Variants in RNLS observed in about 807,000 individuals in gnomAD.
RNLS encodes renalase, FAD dependent amine oxidase, also known as renalase.
RNLS carries 39 observed loss-of-function variants against 39.8 expected under a neutral mutation model. That is an observed-to-expected ratio of 0.98 (90% CI 0.76 to 1.28). The LOEUF is 1.28. Ranked by LOEUF, RNLS falls within the 50% of genes most tolerant of loss-of-function variation. The pLI, the probability that RNLS is intolerant of heterozygous loss-of-function variation, is 0.00. For synonymous variants in RNLS, 147 were observed against 150.7 expected, an observed-to-expected ratio of 0.98 and a Z score of 0.18; for missense variants, 410 against 413.3, an observed-to-expected ratio of 0.99 and a Z score of 0.07.
At chr10:88,468,051 G>T (rs931006621) in intron 4 of RNLS, among the ~76,000 whole-genome samples, 1 of 152,144 alleles carries the variant, frequency 6.6e-6, no homozygotes, top group Non-Finnish European at 1.5e-5. Context: ...AATAAAAATA[G>T]ATAGGGAGTG....
At chr10:88,509,445 AGAG>A (rs1845974004) in intron 4 of RNLS, among the ~76,000 whole-genome samples, 1 of 101,798 alleles carries the variant, frequency 9.8e-6, no homozygotes, top group African/African-American at 3.2e-5. Flanking sequence ...AATAAGAGAG[AGAG>A]AGAAAAAAAA....
At chr10:88,524,185 C>T (rs1204904469) in intron 4 of RNLS, among the ~76,000 whole-genome samples, 1 of 152,064 alleles carries the variant, frequency 6.6e-6, no homozygotes, top group Non-Finnish European at 1.5e-5. Flanking sequence ...AGGCAGTGCC[C>T]CCTGATGGCT....
chr10:88,246,687 A>G, the RNLS span, among the ~76,000 whole-genome samples: 20 of 152,264 alleles, frequency 1.3e-4, no homozygotes, highest in South Asian at 1.5e-3. Context: ...TTTTGGAAGC[A>G]AAGAAAGTAG....
intron 4 of RNLS, among the ~76,000 whole-genome samples, chr10:88,378,263 A>G (rs1281028256): frequency 1.3e-5 from 2 of 152,158 alleles, no homozygotes; most frequent in African/African-American, 4.8e-5. Flanking sequence ...AAAATATGGT[A>G]TTGGAGCTCA....
intron 4 of RNLS, among the ~76,000 whole-genome samples, chr10:88,506,354 C>G (rs1845792205): frequency 6.6e-6 from 1 of 151,994 alleles, no homozygotes; most frequent in Non-Finnish European, 1.5e-5. Flanking sequence ...GAAATACGGA[C>G]TTTATATTAG....
intron 4 of RNLS, among the ~76,000 whole-genome samples, chr10:88,497,425 A>C (rs900860835): frequency 6.6e-6 from 1 of 152,074 alleles, no homozygotes; most frequent in Admixed American, 6.6e-5. Context: ...CAAATACATA[A>C]ATAAATAAAT....
chr10:88,472,495 A>T (rs936249254), intron 4 of RNLS, among the ~76,000 whole-genome samples: 2 of 152,130 alleles, frequency 1.3e-5, no homozygotes, highest in Non-Finnish European at 2.9e-5. Flanking sequence ...CCCAAACAAG[A>T]CTTCAAGAGT....
the RNLS span, among the ~76,000 whole-genome samples, chr10:88,208,023 G>T: frequency 6.6e-6 from 1 of 152,146 alleles, no homozygotes. Context: ...TTCCTTTGAA[G>T]TTCAGAGATT....
chr10:88,492,393 C>T (rs182906864), intron 4 of RNLS, among the ~76,000 whole-genome samples: 1 of 150,436 alleles, frequency 6.6e-6, no homozygotes, highest in East Asian at 2.0e-4. Context: ...GTAAATTATC[C>T]ACCTGCTTTT....
At chr10:88,341,111 C>CCTGAGGT (rs1177242184) in intron 5 of RNLS, among the ~76,000 whole-genome samples, 8 of 148,352 alleles carry the variant, frequency 5.4e-5, no homozygotes, top group Admixed American at 3.4e-4. Context: ...GGGCGGATCA[C>CCTGAGGT]CTGAGGTCGG....
At chr10:88,275,138 A>T in intron 6 of RNLS, 1 of 872,610 alleles carries the variant, frequency 1.1e-6, no homozygotes, top group East Asian at 2.6e-5. Flanking sequence ...GAACATATAT[A>T]GACCTGGAAT....
the RNLS span, among the ~76,000 whole-genome samples, chr10:88,268,442 G>A: frequency 0.011 from 1,626 of 152,280 alleles, 24 homozygotes; most frequent in African/African-American, 0.034. Context: ...GATTAGACAT[G>A]GCCAAACCAT....
At chr10:88,358,895 G>T (rs1849405816) in intron 5 of RNLS, among the ~76,000 whole-genome samples, 1 of 152,152 alleles carries the variant, frequency 6.6e-6, no homozygotes, top group African/African-American at 2.4e-5. Context: ...TTATCTTGTT[G>T]CTTCTCTACC....
chr10:88,540,948 C>T (rs994613393), intron 4 of RNLS, among the ~76,000 whole-genome samples: 2 of 146,764 alleles, frequency 1.4e-5, no homozygotes, highest in Non-Finnish European at 3.0e-5. Flanking sequence ...ATCAGAGTCA[C>T]ATTTTGTTAT....
At chr10:88,443,271 A>G (rs1428858030) in intron 4 of RNLS, among the ~76,000 whole-genome samples, 1 of 152,196 alleles carries the variant, frequency 6.6e-6, no homozygotes, top group African/African-American at 2.4e-5. Context: ...TGCGTATTTT[A>G]TATGACACCA....
At chr10:88,213,861 G>A in the RNLS span, among the ~76,000 whole-genome samples, 1 of 152,050 alleles carries the variant, frequency 6.6e-6, no homozygotes, top group Non-Finnish European at 1.5e-5. Flanking sequence ...TCTTGATTTC[G>A]TTTGTTTATT....
At chr10:88,265,328 T>C in the RNLS span, among the ~76,000 whole-genome samples, 37 of 125,618 alleles carry the variant, frequency 2.9e-4, no homozygotes, top group Non-Finnish European at 4.8e-4. Context: ...TTTTTCTTTT[T>C]TTTTTTTTTT....
intron 5 of RNLS, among the ~76,000 whole-genome samples, chr10:88,320,351 G>A (rs897842421): frequency 1.3e-5 from 2 of 151,170 alleles, no homozygotes; most frequent in African/African-American, 4.9e-5. Context: ...TACACATAAG[G>A]CCAAAGTACA....
intron 4 of RNLS, among the ~76,000 whole-genome samples, chr10:88,515,662 T>C (rs1846368731): frequency 6.6e-6 from 1 of 152,092 alleles, no homozygotes; most frequent in Non-Finnish European, 1.5e-5. Flanking sequence ...GAAAAAACTA[T>C]ATTTCATTCA....
Sources: allele counts gnomAD v4.1 joint callset (sites outside exome capture counted in the v4.1 genomes callset), GRCh38; gene constraint gnomAD v4.1.1; transcripts MANE v1.5; gene names NCBI Gene and HGNC (gene_info 2026-07-23, HGNC 2026-07-21).